HRH2: variants seen among roughly 807,000 people sequenced by gnomAD.
The protein encoded by HRH2 is histamine receptor H2.
Under a neutral mutation model 20.1 loss-of-function variants are expected in HRH2, and 4 were observed. The ratio of observed to expected loss-of-function variants is 0.20; its 90% CI spans 0.10 to 0.45. The LOEUF is 0.45. HRH2 is among the 20% of genes least tolerant of loss of function. The pLI, the probability that HRH2 is intolerant of heterozygous loss-of-function variation, is 0.99. For missense variants in HRH2, 250 were observed against 461.6 expected (o/e 0.54, Z 4.20); for synonymous variants, 197 against 200.7 (o/e 0.98, Z 0.16).
At chr5:175,678,062 T>A (rs975285957) in intron 1 of HRH2, among the ~76,000 whole-genome samples, 1 of 152,210 alleles carries the variant, frequency 6.6e-6, no homozygotes, top group African/African-American at 2.4e-5. Flanking sequence ...TGGGGAAGCC[T>A]TTCGTACCTA....
intron 2 of HRH2, chr5:175,685,834 G>T: frequency 3.5e-6 from 1 of 288,638 alleles, no homozygotes; most frequent in Non-Finnish European, 6.5e-6. Context: ...AAAAGCTTGC[G>T]TGGATATTGC....
chr5:175,700,291 G>A (rs1756755888), intron 2 of HRH2, among the ~76,000 whole-genome samples: 1 of 152,242 alleles, frequency 6.6e-6, no homozygotes, highest in Non-Finnish European at 1.5e-5. Context: ...ACCGGAGACA[G>A]CCGGGGAGAA....
intron 2 of HRH2, among the ~76,000 whole-genome samples, chr5:175,698,764 G>A (rs1756696001): frequency 6.6e-6 from 1 of 152,124 alleles, no homozygotes; most frequent in African/African-American, 2.4e-5. Flanking sequence ...CTTTGTCATG[G>A]AAAAAATGTA....
chr5:175,665,509 T>C lies in HRH2; in HGVS notation c.-526+7354T>C, dbSNP rs567652254. Reference sequence around the variant, plus strand: ...AGTGGGCAGGAGGGGCATCCCTGCTTGGCATCAGAGGGCTGTTAGAACCCA... The same window carrying C: ...AGTGGGCAGGAGGGGCATCCCTGCTCGGCATCAGAGGGCTGTTAGAACCCA... On this transcript the variant is annotated intron_variant, in intron 1 of 2. Transcript: ENST00000636584. Among the ~76,000 whole-genome samples, 40 of 152,238 alleles carry C rather than the reference T, an allele frequency of 2.6e-4. No homozygotes were observed. In the East Asian group the frequency reaches 6.8e-3, roughly 26 times the overall value.
intron 2 of HRH2, among the ~76,000 whole-genome samples, chr5:175,696,311 G>A (rs912216251): frequency 1.3e-5 from 2 of 152,250 alleles, no homozygotes; most frequent in African/African-American, 2.4e-5. Flanking sequence ...TGGGAGACCT[G>A]AGTGTGACCC....
intron 1 of HRH2, among the ~76,000 whole-genome samples, chr5:175,668,353 T>A (rs1755383432): frequency 6.6e-6 from 1 of 152,184 alleles, no homozygotes; most frequent in Non-Finnish European, 1.5e-5. Flanking sequence ...AGGGATTTCC[T>A]TCCTCCAGTT....
At chr5:175,701,872 G>A (rs184281825) in intron 2 of HRH2, among the ~76,000 whole-genome samples, 24 of 152,296 alleles carry the variant, frequency 1.6e-4, no homozygotes, top group African/African-American at 4.8e-4. Context: ...CTAGAACCCC[G>A]TTAACATCCG....
At chr5:175,705,689 G>T (rs547058369) in intron 2 of HRH2, among the ~76,000 whole-genome samples, 4 of 151,392 alleles carry the variant, frequency 2.6e-5, no homozygotes, top group South Asian at 2.1e-4. Flanking sequence ...TTGAGACAGG[G>T]TCTCACTTTG....
At chr5:175,699,226 A>T (rs951905077) in intron 2 of HRH2, among the ~76,000 whole-genome samples, 2 of 152,196 alleles carry the variant, frequency 1.3e-5, no homozygotes, top group African/African-American at 4.8e-5. Flanking sequence ...GAACACTGTG[A>T]TTGGTCTCCA....
In HRH2 at chr5:175,683,788, G is replaced by A. The variant is rs775080781; in HGVS notation, c.555G>A (p.Val185=). 3 of 1,614,140 alleles carry A rather than the reference G, an allele frequency of 1.9e-6. No individual in the cohort carries two copies. Among genetic ancestry groups the A allele is most frequent in the Admixed American group, 1.7e-5 (1 of 60,014 alleles). The change falls in exon 2 of 3, where the codon GTG becomes GTA. Residue 185 remains valine, a synonymous_variant. Coordinates refer to ENST00000636584, the MANE Select transcript of HRH2 (RefSeq NM_001367711.1). ...KVQVNEVYGL[V]DGLVTFYLPL... is the part of the protein sequence containing the mutation. Reference sequence around the variant, plus strand: ...AGGTCAATGAAGTGTACGGGCTGGTGGATGGGCTGGTCACCTTCTACCTCC... The same window carrying A: ...AGGTCAATGAAGTGTACGGGCTGGTAGATGGGCTGGTCACCTTCTACCTCC...
chr5:175,661,574 G>T (rs1443674533), intron 1 of HRH2, among the ~76,000 whole-genome samples: 1 of 152,284 alleles, frequency 6.6e-6, no homozygotes, highest in African/African-American at 2.4e-5. Context: ...GGGTCAGGAA[G>T]GGCTGACAGA....
Position 175,683,320 on chromosome 5 carries a change from C to T in HRH2, c.87C>T (p.Ile29=). The change falls in exon 2 of 3, where the codon ATC becomes ATT. Residue 29 remains isoleucine (I), a synonymous_variant. Transcript: ENST00000636584. ...TCACCGTGGTCCTTGCGGTCCTCATCCTCATCACCGTTGCTGGCAATGTGG... is the reference window on the plus strand; with the variant it reads ...TCACCGTGGTCCTTGCGGTCCTCATTCTCATCACCGTTGCTGGCAATGTGG... ...ITITVVLAVL[I]LITVAGNVVV... is the part of the protein sequence containing the mutation. The T allele has an allele frequency of 6.2e-7, 1 of 1,614,190 alleles. No individual in the cohort carries two copies. Among genetic ancestry groups the T allele is most frequent in the Non-Finnish European group, 8.5e-7 (1 of 1,180,050 alleles).
chr5:175,673,374 G>A (rs1021737326), intron 1 of HRH2, among the ~76,000 whole-genome samples: 1 of 151,604 alleles, frequency 6.6e-6, no homozygotes, highest in African/African-American at 2.4e-5. Flanking sequence ...GGTGTTTGGA[G>A]GCTGGGGAGG....
chr5:175,701,289 G>C (rs1038676438), intron 2 of HRH2, among the ~76,000 whole-genome samples: 2 of 152,154 alleles, frequency 1.3e-5, no homozygotes, highest in African/African-American at 4.8e-5. Context: ...ATTTATTTAG[G>C]AATATGATTA....
chr5:175,683,163 G>T lies in HRH2; in HGVS notation c.-71G>T, dbSNP rs1439631457. ...AGCTTGGAGTCCAGTGGTTGGCATA[G>T]TTGTCACATTGGGAGCAGAGAAGAA... On this transcript the variant is annotated 5_prime_UTR_variant, in exon 2 of 3. Coordinates refer to ENST00000636584, the MANE Select transcript of HRH2 (RefSeq NM_001367711.1). 7.9e-6 allele frequency: 12 copies of T among 1,518,318 alleles called. No individual in the cohort carries two copies. The highest frequency in any genetic ancestry group is 1.1e-5 in the Non-Finnish European group (12 of 1,126,102). 94.1% of individuals were successfully genotyped at this position (1,518,318 alleles called of 1,614,324 possible). A position where few individuals can be genotyped will look rare whatever the true frequency, so the allele number is the denominator to read the frequency against.
chr5:175,676,476 C>T (rs1214364694), intron 1 of HRH2, among the ~76,000 whole-genome samples: 6 of 152,342 alleles, frequency 3.9e-5, no homozygotes, highest in Non-Finnish European at 2.9e-5. Flanking sequence ...GACCACCACA[C>T]CCTGTTCCTG....
At chr5:175,684,518 T>A in intron 2 of HRH2, 1 of 311,014 alleles carries the variant, frequency 3.2e-6, no homozygotes, top group Non-Finnish European at 4.7e-6. Context: ...ACATTAAAAT[T>A]CTCAGAGGAC....
chr5:175,671,160 G>A (rs994029820), intron 1 of HRH2, among the ~76,000 whole-genome samples: 1 of 152,240 alleles, frequency 6.6e-6, no homozygotes, highest in African/African-American at 2.4e-5. Context: ...TCTGAGTGAG[G>A]AAAAGAGAAG....
intron 2 of HRH2, among the ~76,000 whole-genome samples, chr5:175,701,845 T>G (rs1013146728): frequency 2.0e-5 from 3 of 152,226 alleles, no homozygotes. Context: ...GCTCGGCAGA[T>G]ATCGCGTTAT....
Sources: gnomAD v4.1 joint callset for allele counts (sites outside exome capture counted in the v4.1 genomes callset) on GRCh38, gnomAD v4.1.1 for gene constraint, MANE v1.5 for transcripts, NCBI Gene and HGNC (gene_info 2026-07-23, HGNC 2026-07-21) for gene names.